The following MAGI2 variants were observed in gnomAD, a reference collection of about 807,000 sequenced individuals.
The protein encoded by MAGI2 is membrane associated guanylate kinase, WW and PDZ domain containing 2.
In MAGI2, 35 loss-of-function variants were observed where a neutral mutation model predicts 133.3. The observed-to-expected ratio is 0.26, with a 90% CI of 0.20 to 0.35. MAGI2 has a LOEUF of 0.35. MAGI2 is among the 10% of genes least tolerant of loss of function. The pLI is 1.00. For missense variants in MAGI2, 1,636 were observed against 1,863.4 expected (o/e 0.88, Z 2.25); for synonymous variants, 729 against 710.6 (o/e 1.03, Z -0.41).
At chr7:78,691,777 A>G in intron 2 of MAGI2, among the ~76,000 whole-genome samples, 1 of 152,210 alleles carries the variant, frequency 6.6e-6, no homozygotes, top group Non-Finnish European at 1.5e-5. Flanking sequence ...GACAAAGCAC[A>G]GAGAATTTTT....
intron 9 of MAGI2, among the ~76,000 whole-genome samples, chr7:78,289,374 A>G (rs978289364): frequency 2.6e-5 from 4 of 152,182 alleles, no homozygotes; most frequent in African/African-American, 9.6e-5. Context: ...AGATCAAATG[A>G]ATGAAATGAA....
intron 1 of MAGI2, among the ~76,000 whole-genome samples, chr7:79,191,928 GGGAATGCATAATTCT>G: frequency 6.6e-6 from 1 of 151,816 alleles, no homozygotes; most frequent in South Asian, 2.1e-4. Flanking sequence ...GGAACTCTTT[GGGAATGCATAATTCT>G]GACTATTTGT....
chr7:78,994,688 G>A (rs1053578720), intron 2 of MAGI2, among the ~76,000 whole-genome samples: 4 of 152,044 alleles, frequency 2.6e-5, no homozygotes, highest in Admixed American at 1.3e-4. Flanking sequence ...AGCTATGTGG[G>A]TTTGGGGAAG....
chr7:78,040,380 C>G (rs889220109), intron 21 of MAGI2, among the ~76,000 whole-genome samples: 4 of 152,180 alleles, frequency 2.6e-5, no homozygotes, highest in African/African-American at 9.6e-5. Context: ...CGCCCCCTGG[C>G]GGCCCCTGGT....
intron 1 of MAGI2, chr7:79,412,932 C>A (rs1423652684): frequency 2.0e-5 from 3 of 152,038 alleles, no homozygotes; most frequent in African/African-American, 7.2e-5. Flanking sequence ...TTATCAAATG[C>A]CTTTTGAGGG....
Position 78,593,086 on chromosome 7 carries a change from G to C in MAGI2, c.538+34034C>G, listed in dbSNP as rs1804205379. On this transcript the variant is annotated intron_variant, in intron 3 of 21. Transcript: ENST00000354212. ...AGCTCAAAGCCTAGCCTCCCAAATTGCTAGGATTACGGGCGTGAACCACCG... is the reference window on the plus strand; with the variant it reads ...AGCTCAAAGCCTAGCCTCCCAAATTCCTAGGATTACGGGCGTGAACCACCG... Among the ~76,000 whole-genome samples the C allele has an allele frequency of 4.0e-5, 6 of 150,910 alleles. No individual in the cohort carries two copies. In the South Asian group the frequency reaches 1.3e-3, roughly 32 times the overall value.
intron 20 of MAGI2, among the ~76,000 whole-genome samples, chr7:78,120,204 C>T (rs548325498): frequency 1.2e-3 from 185 of 152,212 alleles, no homozygotes; most frequent in South Asian, 4.8e-3. Flanking sequence ...AGATTGAGAC[C>T]ATCCTGGCTA....
chr7:78,361,649 A>G (rs1456695037), intron 7 of MAGI2, among the ~76,000 whole-genome samples: 3 of 152,242 alleles, frequency 2.0e-5, no homozygotes, highest in Non-Finnish European at 4.4e-5. Flanking sequence ...GTAAAAGTCC[A>G]TCTGCAATTA....
intron 1 of MAGI2, among the ~76,000 whole-genome samples, chr7:79,111,124 AACAG>A (rs1276732797): frequency 1.3e-5 from 2 of 152,236 alleles, no homozygotes; most frequent in African/African-American, 4.8e-5. Context: ...TGATGTATTA[AACAG>A]ACAAACAAAA....
intron 6 of MAGI2, among the ~76,000 whole-genome samples, chr7:78,407,916 C>G (rs1477166054): frequency 2.0e-5 from 3 of 151,588 alleles, no homozygotes; most frequent in Non-Finnish European, 4.4e-5. Context: ...TGTTACCAGA[C>G]AGACCCCTCC....
At chr7:78,824,190 A>G (rs1421962068) in intron 2 of MAGI2, among the ~76,000 whole-genome samples, 2 of 152,234 alleles carry the variant, frequency 1.3e-5, no homozygotes, top group African/African-American at 4.8e-5. Context: ...CAACAAATTA[A>G]CTGAATTCAA....
chr7:78,517,214 G>C (rs139768311), intron 4 of MAGI2, among the ~76,000 whole-genome samples: 1 of 136,486 alleles, frequency 7.3e-6, no homozygotes, highest in East Asian at 2.1e-4. Context: ...TTAAACATCG[G>C]TTCAAAAACA....
chr7:78,197,291 T>G (rs1828828032), intron 11 of MAGI2, among the ~76,000 whole-genome samples: 1 of 152,244 alleles, frequency 6.6e-6, no homozygotes, highest in Non-Finnish European at 1.5e-5. Context: ...ATTCTAGCTG[T>G]GACTTTATCC....
At chr7:78,356,151 C>T (rs562790468) in intron 7 of MAGI2, among the ~76,000 whole-genome samples, 71 of 152,226 alleles carry the variant, frequency 4.7e-4, no homozygotes, top group African/African-American at 1.7e-3. Flanking sequence ...GGTCATGTCT[C>T]TGGCAATTAT....
intron 21 of MAGI2, among the ~76,000 whole-genome samples, chr7:78,070,216 TATACAC>T (rs1196409588): frequency 1.3e-4 from 7 of 52,108 alleles, no homozygotes; most frequent in African/African-American, 3.4e-4. Flanking sequence ...TATATATATA[TATACAC>T]ACACACACAC....
chr7:78,823,657 TAAA>T (rs1790366728), intron 2 of MAGI2, among the ~76,000 whole-genome samples: 1 of 150,596 alleles, frequency 6.6e-6, no homozygotes, highest in East Asian at 1.9e-4. Flanking sequence ...TTTTAGGTGA[TAAA>T]GAAGTAGCAT....
intron 21 of MAGI2, among the ~76,000 whole-genome samples, chr7:78,068,964 G>T (rs6951393): frequency 0.092 from 13,949 of 152,228 alleles, 1,036 homozygotes; most frequent in African/African-American, 0.19. Flanking sequence ...CTTCTTAATA[G>T]GTCCAGCTGA....
chr7:78,079,811 G>A (rs1815757524), intron 20 of MAGI2, among the ~76,000 whole-genome samples: 1 of 152,146 alleles, frequency 6.6e-6, no homozygotes, highest in Non-Finnish European at 1.5e-5. Flanking sequence ...GGTTCCATAA[G>A]CAATTCCCTT....
intron 20 of MAGI2, among the ~76,000 whole-genome samples, chr7:78,115,100 A>G (rs555044113): frequency 1.3e-5 from 2 of 152,368 alleles, no homozygotes; most frequent in East Asian, 1.9e-4. Flanking sequence ...CAAAGTGAGA[A>G]TAAGACTCCT....
Sources: allele counts gnomAD v4.1 joint callset (sites outside exome capture counted in the v4.1 genomes callset), GRCh38; gene constraint gnomAD v4.1.1; transcripts MANE v1.5; gene names NCBI Gene and HGNC (gene_info 2026-07-23, HGNC 2026-07-21).